SLC9A9: variants seen among roughly 807,000 people sequenced by gnomAD.
SLC9A9 encodes sodium/hydrogen exchanger 9.
Under a neutral mutation model 77.8 loss-of-function variants are expected in SLC9A9, and 62 were observed. The ratio of observed to expected loss-of-function variants is 0.80; its 90% CI spans 0.65 to 0.98. The LOEUF (loss-of-function observed/expected upper bound fraction) is 0.98, where lower values mean the gene tolerates loss of function less well. Among genes scored for constraint, SLC9A9 ranks in the 50% least tolerant of loss-of-function variants. The pLI, the probability that SLC9A9 is intolerant of heterozygous loss-of-function variation, is 0.00. For synonymous variants in SLC9A9, 320 were observed against 283.5 expected (o/e 1.13, Z -1.29); for missense variants, 775 against 774.9 (o/e 1.00, Z 0.00).
At chr3:143,517,439 G>A (rs2036221369) in intron 9 of SLC9A9, 19 of 1,592,808 alleles carry the variant, frequency 1.2e-5, no homozygotes, top group Non-Finnish European at 1.5e-5. Context: ...CTCCCTCTGG[G>A]CTCTCTCATG....
intron 9 of SLC9A9, among the ~76,000 whole-genome samples, chr3:143,533,992 A>C (rs1428417407): frequency 6.6e-6 from 1 of 152,228 alleles, no homozygotes; most frequent in Non-Finnish European, 1.5e-5. Flanking sequence ...AAATGCTTTT[A>C]TTAAAGATTT....
intron 12 of SLC9A9, among the ~76,000 whole-genome samples, chr3:143,454,788 A>G (rs1490958679): frequency 6.6e-6 from 1 of 152,182 alleles, no homozygotes; most frequent in African/African-American, 2.4e-5. Flanking sequence ...GGTGTAAACT[A>G]TGGCTCCCTT....
At chr3:143,502,569 T>C (rs1188513047) in intron 9 of SLC9A9, among the ~76,000 whole-genome samples, 1 of 152,214 alleles carries the variant, frequency 6.6e-6, no homozygotes, top group East Asian at 1.9e-4. Flanking sequence ...TTTTACCATA[T>C]TATTATGGTT....
intron 4 of SLC9A9, among the ~76,000 whole-genome samples, chr3:143,782,784 G>T (rs2007923729): frequency 6.6e-6 from 1 of 152,186 alleles, no homozygotes; most frequent in African/African-American, 2.4e-5. Context: ...TAAAAGCAAA[G>T]AAATGATAAC....
chr3:143,822,843 G>A lies in SLC9A9; in HGVS notation c.378+9176C>T, dbSNP rs141317489. On this transcript the variant is annotated intron_variant, in intron 2 of 15. Transcript: ENST00000316549. ...ACTCTCTCTCTGTTTTCTGTTCTTT[G>A]CTCAGGCTCCTTTTCTCTCCCTCTC... Among the ~76,000 whole-genome samples, 9 of 152,086 alleles carry A rather than the reference G, an allele frequency of 5.9e-5. No homozygotes were observed. In the East Asian group the frequency reaches 1.5e-3, roughly 26 times the overall value.
At chr3:143,631,103 T>A (rs973166438) in intron 6 of SLC9A9, among the ~76,000 whole-genome samples, 1 of 152,068 alleles carries the variant, frequency 6.6e-6, no homozygotes, top group African/African-American at 2.4e-5. Flanking sequence ...AATACTGGAT[T>A]TTATTGCTAA....
intron 4 of SLC9A9, among the ~76,000 whole-genome samples, chr3:143,761,805 C>T (rs1174277712): frequency 1.3e-5 from 2 of 152,088 alleles, no homozygotes; most frequent in African/African-American, 2.4e-5. Flanking sequence ...GATCTAGAAC[C>T]AGAAATACCA....
chr3:143,510,728 T>C (rs1278360149), intron 9 of SLC9A9, among the ~76,000 whole-genome samples: 1 of 152,214 alleles, frequency 6.6e-6, no homozygotes, highest in Non-Finnish European at 1.5e-5. Flanking sequence ...TATGTTCAGT[T>C]TTTGGTCTGT....
Position 143,295,793 on chromosome 3 carries a change from T to C in SLC9A9, c.1605-26813A>G, listed in dbSNP as rs145610566. On this transcript the variant is annotated intron_variant, in intron 14 of 15. Transcript: ENST00000316549. ...TTGTGCTTTCAGACCATTTCCAATA[T>C]ACCTGTAATTACATGGCAACATCTT... Among the ~76,000 whole-genome samples the C allele has an allele frequency of 2.0e-5, 3 of 152,286 alleles. No homozygotes were observed. The East Asian group carries it at 5.8e-4, about 29-fold the overall frequency.
chr3:143,395,984 C>T (rs1432070357), intron 12 of SLC9A9, among the ~76,000 whole-genome samples: 1 of 152,194 alleles, frequency 6.6e-6, no homozygotes, highest in Non-Finnish European at 1.5e-5. Context: ...AATAGGAACA[C>T]TTTTACACTG....
At chr3:143,635,920 A>AT (rs953249175) in intron 6 of SLC9A9, among the ~76,000 whole-genome samples, 17 of 151,792 alleles carry the variant, frequency 1.1e-4, no homozygotes, top group Admixed American at 1.3e-4. Flanking sequence ...TTCAACGGCT[A>AT]TTTTTTTTCT....
chr3:143,744,934 C>T (rs544119085), intron 4 of SLC9A9, among the ~76,000 whole-genome samples: 1 of 152,244 alleles, frequency 6.6e-6, no homozygotes, highest in Non-Finnish European at 1.5e-5. Flanking sequence ...TGGTAGACAG[C>T]CCAGAATGCA....
chr3:143,591,872 T>C (rs557041133), intron 6 of SLC9A9, among the ~76,000 whole-genome samples: 1 of 152,166 alleles, frequency 6.6e-6, no homozygotes, highest in South Asian at 2.1e-4. Context: ...TACATAGGCA[T>C]TGGGAAGGAG....
At chr3:143,708,522 T>C (rs1376297907) in intron 4 of SLC9A9, among the ~76,000 whole-genome samples, 1 of 152,194 alleles carries the variant, frequency 6.6e-6, no homozygotes, top group Non-Finnish European at 1.5e-5. Flanking sequence ...AAACTATGTT[T>C]AATACTCACT....
At chr3:143,321,601 G>C (rs1239898738) in intron 14 of SLC9A9, among the ~76,000 whole-genome samples, 1 of 152,182 alleles carries the variant, frequency 6.6e-6, no homozygotes, top group African/African-American at 2.4e-5. Context: ...AACCACTGCA[G>C]CCTGAGTGAC....
At chr3:143,371,714 T>A (rs180692702) in intron 13 of SLC9A9, among the ~76,000 whole-genome samples, 1 of 152,080 alleles carries the variant, frequency 6.6e-6, no homozygotes, top group African/African-American at 2.4e-5. Flanking sequence ...AAAATGGAAA[T>A]TCTAGAATCA....
At chr3:143,549,356 T>C (rs916080322) in intron 9 of SLC9A9, among the ~76,000 whole-genome samples, 2 of 152,140 alleles carry the variant, frequency 1.3e-5, no homozygotes, top group Non-Finnish European at 2.9e-5. Context: ...TATGCAAGTA[T>C]GTATAAATAT....
intron 4 of SLC9A9, among the ~76,000 whole-genome samples, chr3:143,726,893 G>C (rs1222016659): frequency 6.6e-6 from 1 of 152,156 alleles, no homozygotes; most frequent in African/African-American, 2.4e-5. Flanking sequence ...GCAGCATAAA[G>C]TTTAAAGGAC....
chr3:143,533,699 G>T lies in SLC9A9; in HGVS notation c.1089+18663C>A, dbSNP rs4839640. ...TTTAAAAATGTGTCTGAGAAAGAGA[G>T]AGAAAGAATTTAAATAGGCCATTGT... On this transcript the variant is annotated intron_variant, in intron 9 of 15. Transcript: ENST00000316549. 2.5e-3 allele frequency among the ~76,000 whole-genome samples: 376 copies of T among 152,286 alleles called. 3 individuals carry two copies. Among genetic ancestry groups the T allele is most frequent in the Admixed American group, 5.4e-3 (82 of 15,304 alleles).
Sources: gnomAD v4.1 joint callset for allele counts (sites outside exome capture counted in the v4.1 genomes callset) on GRCh38, gnomAD v4.1.1 for gene constraint, MANE v1.5 for transcripts, NCBI Gene and HGNC (gene_info 2026-07-23, HGNC 2026-07-21) for gene names.